The following SPAG5 variants were observed in gnomAD, a reference collection of about 807,000 sequenced individuals.
SPAG5 encodes the protein sperm-associated antigen 5.
SPAG5 carries 99 observed loss-of-function variants against 145.4 expected under a neutral mutation model. The observed-to-expected ratio is 0.68, with a 90% confidence interval of 0.58 to 0.80. SPAG5 has a LOEUF of 0.80. Among genes scored for constraint, SPAG5 ranks in the 30% least tolerant of loss-of-function variants. SPAG5 has a pLI of 0.00. For missense variants in SPAG5, 1,192 were observed against 1,416.0 expected (o/e 0.84, Z 2.54); for synonymous variants, 477 against 525.4 (o/e 0.91, Z 1.26).
intron 4 of SPAG5, among the ~76,000 whole-genome samples, chr17:28,590,512 G>T (rs779797398): frequency 6.6e-6 from 1 of 152,064 alleles, no homozygotes; most frequent in South Asian, 2.1e-4. Context: ...TTACAGGGGT[G>T]AGCCACTATG....
intron 11 of SPAG5, 51 bp from the exon 12 acceptor site, chr17:28,584,531 C>T: frequency 6.2e-7 from 1 of 1,612,136 alleles, no homozygotes; most frequent in South Asian, 1.1e-5. Context: ...GCTAGAAACT[C>T]CCCAAACTTC....
chr17:28,592,362 T>C lies in SPAG5; in HGVS notation c.882A>G (p.Gln294=). ...THPKESETED[Q]ALVSSVEDIL... is the part of the protein sequence containing the mutation. The stretch of plus-strand genomic sequence containing the variant: ...TATCTTCCACACTTGAGACAAGTGC[T>C]TGATCTTCTGTTTCAGACTCCTTAG... Residue 294 remains glutamine, a synonymous_variant, in exon 3 of 24, where the codon CAA becomes CAG. Coordinates refer to ENST00000321765, the MANE Select transcript of SPAG5 (RefSeq NM_006461.4). 6.2e-7 allele frequency: 1 copy of C among 1,614,218 alleles called. No individual in the cohort carries two copies. Among genetic ancestry groups the C allele is most frequent in the African/African-American group, 1.3e-5 (1 of 75,048 alleles).
intron 8 of SPAG5, 60 bp from the exon 9 acceptor site, chr17:28,585,471 G>A (rs2151520823): frequency 1.2e-6 from 2 of 1,613,630 alleles, no homozygotes; most frequent in Non-Finnish European, 1.7e-6. Context: ...CAAAGTGGGA[G>A]TATGCAACTA....
rs1266997132 is a variant in SPAG5, at chr17:28,592,652, G to A, written c.592C>T (p.Pro198Ser). The A allele has an allele frequency of 6.2e-7, 1 of 1,614,010 alleles. No individual in the cohort carries two copies. The highest frequency in any genetic ancestry group is 1.3e-5 in the African/African-American group (1 of 74,932). Residue 198 changes from proline (P) to serine (S), a missense_variant, in exon 3 of 24, where the codon CCG becomes TCG. Pro to Ser is a moderately conservative substitution (Grantham distance 74). Transcript: ENST00000321765. ...GGAGACTCCTCTAAGAGATGGGACGGAGATTCCTGAAAGATAGGTTTCTCA... is the reference window on the plus strand; with the variant it reads ...GGAGACTCCTCTAAGAGATGGGACGAAGATTCCTGAAAGATAGGTTTCTCA... ...VSEKPIFQES[P>S]SHLLEESPPN... is the part of the protein sequence containing the mutation.
At chr17:28,577,796 C>T (rs1245760242) in intron 23 of SPAG5, 26 bp from the exon 24 acceptor site, 3 of 1,592,854 alleles carry the variant, frequency 1.9e-6, no homozygotes, top group Non-Finnish European at 1.7e-6. Context: ...GAAAACGCAG[C>T]TCAGGACCAC....
Position 28,577,647 on chromosome 17 carries a change from A to G in SPAG5, c.*52T>C, listed in dbSNP as rs1398847588. On this transcript the variant is annotated 3_prime_UTR_variant, in exon 24 of 24. Transcript: ENST00000321765. ...TGCCAGTTGGTCTTGGTATTGGGGT[A>G]AGGGGGTATTGCAGGTAAAAAGAGG... The G allele has an allele frequency of 7.9e-7, 1 of 1,259,622 alleles. No individual in the cohort carries two copies. The highest frequency in any genetic ancestry group is 1.2e-6 in the Non-Finnish European group (1 of 856,954). The allele number at this position is 1,259,622 out of a possible 1,614,324, so 78.0% of individuals were successfully genotyped here. A position where few individuals can be genotyped will look rare whatever the true frequency, so the allele number is the denominator to read the frequency against.
rs1324247321 is a variant in SPAG5 at position 28,592,528 on chromosome 17, G to A, written c.716C>T (p.Ala239Val). Residue 239 changes from alanine (A) to valine (V), a missense_variant, in exon 3 of 24, where the codon GCC (alanine) becomes GTC (valine). This residue lies in a region of SPAG5 where 329 missense variants were observed against 354.0 expected (regional missense o/e 0.93). Coordinates refer to ENST00000321765, the MANE Select transcript of SPAG5 (RefSeq NM_006461.4). ...CCAGAGAACAGAGGAAGGCAAGAAG[G>A]CGTTACTTTCAGAAGGTACTAAGTC... ...REDLVPSESN[A>V]FLPSSVLWLS... 6.2e-7 allele frequency: 1 copy of A among 1,614,064 alleles called. No homozygotes were observed. The highest frequency in any genetic ancestry group is 2.2e-5 in the East Asian group (1 of 44,900).
chr17:28,589,791 A>G (rs2070608656), intron 4 of SPAG5, among the ~76,000 whole-genome samples: 1 of 152,190 alleles, frequency 6.6e-6, no homozygotes, highest in African/African-American at 2.4e-5. Flanking sequence ...ATACACCTAC[A>G]GTCCTAGCTA....
chr17:28,578,616 A>G, intron 20 of SPAG5, 56 bp downstream of exon 20: 1 of 1,609,914 alleles, frequency 6.2e-7, no homozygotes, highest in Non-Finnish European at 8.5e-7. Flanking sequence ...CATACTTGGG[A>G]TCCTGGCTGA....
chr17:28,585,513 A>G, intron 8 of SPAG5, 21 bp downstream of exon 8: 2 of 1,614,010 alleles, frequency 1.2e-6, no homozygotes, highest in East Asian at 2.2e-5. Context: ...GACCCCAGGA[A>G]AGAAAATGCC....
chr17:28,579,880 C>A (rs532516033), intron 16 of SPAG5, 43 bp from the exon 17 acceptor site: 47 of 1,588,128 alleles, frequency 3.0e-5, no homozygotes, highest in Non-Finnish European at 3.5e-5. Flanking sequence ...CTCTGATGAT[C>A]CAGGCAGGGG....
At chr17:28,597,937 T>G (rs1287788799) in intron 2 of SPAG5, among the ~76,000 whole-genome samples, 1 of 152,220 alleles carries the variant, frequency 6.6e-6, no homozygotes, top group Admixed American at 6.5e-5. Context: ...TCCTAAAGCC[T>G]TTCTTGGAGG....
At chr17:28,596,337 G>C (rs1463456614) in intron 2 of SPAG5, among the ~76,000 whole-genome samples, 4 of 152,188 alleles carry the variant, frequency 2.6e-5, no homozygotes, top group Non-Finnish European at 4.4e-5. Flanking sequence ...TTTCAATCTA[G>C]TATTCTGCTA....
intron 10 of SPAG5, 55 bp from the exon 11 acceptor site, chr17:28,584,800 G>A: frequency 7.4e-7 from 1 of 1,346,196 alleles, no homozygotes; most frequent in South Asian, 1.2e-5. Flanking sequence ...AATAATCCCA[G>A]GACTTGGTCC....
At chr17:28,584,913 T>C (rs1477574877) in intron 10 of SPAG5, among the ~76,000 whole-genome samples, 168 bp from the exon 11 acceptor site, 1 of 152,186 alleles carries the variant, frequency 6.6e-6, no homozygotes. Context: ...AGGAGAAAAG[T>C]TGCTGAAGTA....
chr17:28,593,025 G>T lies in SPAG5; in HGVS notation c.219C>A (p.Asn73Lys). The change falls in exon 3 of 24, where the codon AAC becomes AAA. Residue 73 changes from asparagine (N) to lysine (K), a missense_variant. Around this residue, in one of 5 missense-constraint regions of SPAG5, gnomAD observed 329 missense variants for 354.0 expected, o/e 0.93. Coordinates refer to ENST00000321765, the MANE Select transcript of SPAG5 (RefSeq NM_006461.4). ...NNSSPVDFVNNKRTDLSSEHF... is the reference protein window; with the variant it reads ...NNSSPVDFVNKKRTDLSSEHF... ...GTTCTGAAGATAAGTCTGTCCTCTT[G>T]TTATTTACAAAATCCACTGGAGATG... 1 of 1,614,042 alleles carries T rather than the reference G, an allele frequency of 6.2e-7. No individual in the cohort carries two copies. Among genetic ancestry groups the T allele is most frequent in the Non-Finnish European group, 8.5e-7 (1 of 1,179,942 alleles).
intron 2 of SPAG5, among the ~76,000 whole-genome samples, chr17:28,594,713 G>A (rs963055756): frequency 2.0e-5 from 3 of 152,222 alleles, no homozygotes; most frequent in African/African-American, 7.2e-5. Context: ...CCTACTTACT[G>A]ACCTGGGTAT....
Position 28,579,782 on chromosome 17 carries a change from T to C in SPAG5, c.2853A>G (p.Arg951=). The change falls in exon 17 of 24, where the codon CGA becomes CGG. Residue 951 remains arginine, a synonymous_variant. Coordinates refer to ENST00000321765, the MANE Select transcript of SPAG5 (RefSeq NM_006461.4). ...LLGSDKSAFT[R]VASMVSLQPA... ...GCTGAAGGGAAACCATTGATGCTAC[T>C]CGGGTGAAAGCACTCTTGTCACTTC... 1 of 1,614,186 alleles carries C rather than the reference T, an allele frequency of 6.2e-7. No individual in the cohort carries two copies. The highest frequency in any genetic ancestry group is 8.5e-7 in the Non-Finnish European group (1 of 1,180,010).
intron 2 of SPAG5, among the ~76,000 whole-genome samples, chr17:28,597,725 GA>G (rs1304328130): frequency 1.3e-5 from 2 of 152,108 alleles, no homozygotes; most frequent in African/African-American, 4.8e-5. Flanking sequence ...TACGATTAAT[GA>G]AATAACAAAG....
Sources: allele counts gnomAD v4.1 joint callset (sites outside exome capture counted in the v4.1 genomes callset), GRCh38; gene constraint gnomAD v4.1.1; regional missense constraint gnomAD v4.1.1; transcripts MANE v1.5; gene names NCBI Gene and HGNC (gene_info 2026-07-23, HGNC 2026-07-21).